Variants in KCTD1 observed in about 807,000 individuals in gnomAD.
The protein encoded by KCTD1 is BTB/POZ domain-containing protein KCTD1.
Under a neutral mutation model 66.0 loss-of-function variants are expected in KCTD1, and 24 were observed. The ratio of observed to expected loss-of-function variants is 0.36; its 90% CI spans 0.26 to 0.51. The LOEUF is 0.51. KCTD1 is among the 20% of genes least tolerant of loss of function. The probability of loss-of-function intolerance (pLI) is 0.95; values close to 1 mark genes in which losing one functional copy is unlikely to be tolerated. For missense variants in KCTD1, 943 were observed against 1,205.2 expected, an observed-to-expected ratio of 0.78 and a Z score of 3.22; for synonymous variants, 511 against 517.2, an observed-to-expected ratio of 0.99 and a Z score of 0.16.
At chr18:26,645,599 T>C (rs1347280612) in intron 1 of KCTD1, among the ~76,000 whole-genome samples, 1 of 152,144 alleles carries the variant, frequency 6.6e-6, no homozygotes, top group Non-Finnish European at 1.5e-5. Flanking sequence ...GGTCTTAATA[T>C]GGTGCCCAGA....
chr18:26,457,704 C>A (rs960430817), intron 4 of KCTD1: 1 of 152,216 alleles, frequency 6.6e-6, no homozygotes, highest in African/African-American at 2.4e-5. Flanking sequence ...ACGTTCACAG[C>A]AAAGTTCCTT....
At chr18:26,491,589 G>C (rs1332136340) in intron 2 of KCTD1, among the ~76,000 whole-genome samples, 1 of 152,178 alleles carries the variant, frequency 6.6e-6, no homozygotes, top group Non-Finnish European at 1.5e-5. Context: ...TTTCCAAACT[G>C]TTCCAAGTCA....
intron 1 of KCTD1, among the ~76,000 whole-genome samples, chr18:26,504,264 G>A (rs1982918050): frequency 6.6e-6 from 1 of 152,106 alleles, no homozygotes; most frequent in African/African-American, 2.4e-5. Flanking sequence ...ATTTGAGACA[G>A]GGTCTCACTC....
chr18:26,475,784 A>C (rs1981313756), intron 3 of KCTD1, among the ~76,000 whole-genome samples: 1 of 152,168 alleles, frequency 6.6e-6, no homozygotes, highest in Non-Finnish European at 1.5e-5. Flanking sequence ...CCCAGGAGGC[A>C]GAGGTTGCGG....
intron 1 of KCTD1, among the ~76,000 whole-genome samples, chr18:26,610,566 G>T (rs1002523581): frequency 6.7e-6 from 1 of 149,340 alleles, no homozygotes; most frequent in African/African-American, 2.5e-5. Flanking sequence ...AAACAGTGAG[G>T]CTCTAAGAAA....
At chr18:26,499,727 C>T (rs1982657554) in intron 2 of KCTD1, among the ~76,000 whole-genome samples, 1 of 152,218 alleles carries the variant, frequency 6.6e-6, no homozygotes, top group Non-Finnish European at 1.5e-5. Flanking sequence ...TATCTGTTAT[C>T]TGTCACTTCA....
intron 3 of KCTD1, among the ~76,000 whole-genome samples, chr18:26,464,012 T>C (rs1398797869): frequency 2.6e-5 from 4 of 152,224 alleles, no homozygotes; most frequent in Admixed American, 2.0e-4. Flanking sequence ...TTGAAACTTC[T>C]TTCTTGATTA....
chr18:26,558,403 T>G (rs933690120), intron 1 of KCTD1, among the ~76,000 whole-genome samples: 6 of 152,084 alleles, frequency 3.9e-5, no homozygotes, highest in Non-Finnish European at 8.8e-5. Flanking sequence ...TGGAGGTTCC[T>G]CAAAAAACTA....
At chr18:26,631,998 C>T (rs1987630232), upstream of KCTD1, among the ~76,000 whole-genome samples, 1 of 152,120 alleles carries the variant, frequency 6.6e-6, no homozygotes, top group Admixed American at 6.5e-5. Flanking sequence ...TGAAGTGAGC[C>T]GAGATCGCGC....
intron 2 of KCTD1, among the ~76,000 whole-genome samples, chr18:26,496,686 T>C (rs1188273946): frequency 6.6e-6 from 1 of 151,436 alleles, no homozygotes; most frequent in African/African-American, 2.4e-5. Context: ...GGTGTAAAAG[T>C]CAATTTACTC....
chr18:26,455,759 T>C lies in KCTD1; in HGVS notation c.2582A>G (p.Gln861Arg). ...TATGTCCATTTAGTCCAGAGGCTCT[T>C]GCTTTATCCGGATGACGGAGGGTAC... is the stretch of plus-strand genomic sequence containing the variant. Reference protein sequence around the residue: ...PRVPSVIRIKQEPLD With the variant: ...PRVPSVIRIKREPLD The change falls in exon 5 of 5, where the codon CAA (glutamine) becomes CGA (arginine). Residue 861 changes from glutamine (Q) to arginine (R), a missense_variant. Around this residue, in one of 10 missense-constraint regions of KCTD1, gnomAD observed 162 missense variants for 232.4 expected, o/e 0.70. Coordinates refer to ENST00000580059, the MANE Select transcript of KCTD1 (RefSeq NM_001142730.3). 2 of 1,614,178 alleles carry C rather than the reference T, an allele frequency of 1.2e-6. No individual in the cohort carries two copies. The highest frequency in any genetic ancestry group is 2.2e-5 in the South Asian group (2 of 91,064).
At chr18:26,519,201 A>G (rs1442657030) in intron 1 of KCTD1, among the ~76,000 whole-genome samples, 1 of 152,208 alleles carries the variant, frequency 6.6e-6, no homozygotes, top group African/African-American at 2.4e-5. Flanking sequence ...GTATTCAGAA[A>G]TGCCTGACTT....
At chr18:26,599,317 T>C (rs1986837079) in intron 1 of KCTD1, 1 of 1,155,482 alleles carries the variant, frequency 8.7e-7, no homozygotes, top group Non-Finnish European at 1.2e-6. Context: ...TTCAATTGAC[T>C]GGGGGAGAAG....
In KCTD1 at chr18:26,503,986, C is replaced by T. The variant is rs778026171; in HGVS notation, c.1810-2736G>A. On this transcript the variant is annotated intron_variant, in intron 1 of 4. Transcript: ENST00000580059. Reference sequence around the variant, plus strand: ...TCTTTCTGCAGGGTTGCTGTGGCTGCGCTCATTTCTAAGGCATTAACTGAT... The same window carrying T: ...TCTTTCTGCAGGGTTGCTGTGGCTGTGCTCATTTCTAAGGCATTAACTGAT... Among the ~76,000 whole-genome samples, 132 of 152,270 alleles carry T rather than the reference C, an allele frequency of 8.7e-4. 1 individual carries two copies. The highest frequency in any genetic ancestry group is 1.5e-3 in the Non-Finnish European group (104 of 68,016).
At chr18:26,605,724 ATATC>A (rs10680402) in intron 1 of KCTD1, among the ~76,000 whole-genome samples, 21,823 of 135,882 alleles carry the variant, frequency 0.16, 1,710 homozygotes, top group South Asian at 0.18. Context: ...ATATATCTCT[ATATC>A]TATCTATCTA....
intron 2 of KCTD1, among the ~76,000 whole-genome samples, chr18:26,480,755 A>C (rs1411016425): frequency 6.6e-6 from 1 of 152,026 alleles, no homozygotes; most frequent in Non-Finnish European, 1.5e-5. Flanking sequence ...CAACAGAGCG[A>C]GACTTTGTCT....
intron 2 of KCTD1, among the ~76,000 whole-genome samples, chr18:26,488,149 G>A (rs1240691740): frequency 2.6e-5 from 4 of 152,096 alleles, no homozygotes; most frequent in African/African-American, 4.8e-5. Context: ...TTTTCTAATC[G>A]TTATAGACAT....
chr18:26,639,478 T>C (rs1987790976), intron 1 of KCTD1, among the ~76,000 whole-genome samples: 1 of 152,044 alleles, frequency 6.6e-6, no homozygotes, highest in African/African-American at 2.4e-5. Flanking sequence ...AGTTTAATGG[T>C]TGTAAAAGGA....
rs568120766 is a variant in KCTD1, at chr18:26,490,878, G to A, written c.1988+10194C>T. ...AGCGATTCTCATGCCTCAGCCTCCC[G>A]AGTAGCTGGGACTACAGGTGCATGC... On this transcript the variant is annotated intron_variant, in intron 2 of 4. Transcript: ENST00000580059. Among the ~76,000 whole-genome samples, 7 of 151,800 alleles carry A rather than the reference G, an allele frequency of 4.6e-5. No individual in the cohort carries two copies. In the South Asian group the frequency reaches 6.3e-4, roughly 14 times the overall value.
Sources: gnomAD v4.1 joint callset for allele counts (sites outside exome capture counted in the v4.1 genomes callset) on GRCh38, gnomAD v4.1.1 for gene constraint, gnomAD v4.1.1 regional missense constraint, MANE v1.5 for transcripts, NCBI Gene and HGNC (gene_info 2026-07-23, HGNC 2026-07-21) for gene names.